SH2D3C: variants seen among roughly 807,000 people sequenced by gnomAD.
SH2D3C encodes SH2 domain-containing protein 3C.
SH2D3C carries 25 observed loss-of-function variants against 75.2 expected under a neutral mutation model. The observed-to-expected ratio is 0.33, with a 90% CI of 0.24 to 0.46. SH2D3C has a LOEUF of 0.46. SH2D3C is among the 20% of genes least tolerant of loss of function. SH2D3C has a pLI of 1.00. For synonymous variants in SH2D3C, 450 were observed against 473.7 expected (o/e 0.95, Z 0.65); for missense variants, 933 against 1,165.3 (o/e 0.80, Z 2.90).
rs776877173 is a variant in SH2D3C, at chr9:127,774,141, CTT to C, written c.362_363del (p.Lys121ArgfsTer32). 5.6e-6 allele frequency: 9 copies of C among 1,614,022 alleles called. No homozygotes were observed. In the African/African-American group the frequency reaches 1.1e-4, roughly 19 times the overall value. ...VPDPPGLEAAKEVMVKATGPL... is the reference protein window; with the variant it reads ...VPDPPGLEAAXEVMVKATGPL... ...GGGCCAGTGGCCTTCACCATCACCT[CTT>C]TGGCTGCCTCCAAGCCTGGGGGGTC... is the stretch of plus-strand genomic sequence containing the variant. On this transcript the variant is annotated frameshift_variant, in exon 2 of 12. Transcript: ENST00000314830. LOFTEE classifies it high-confidence loss of function. The surrounding 1 kb of genome is among the most constrained non-coding windows in gnomAD (Gnocchi z 4.3).
Position 127,741,795 on chromosome 9 carries a change from ATGTCCAGGG to A in SH2D3C, c.2072_2080del (p.Ala691_Met694delinsVal), listed in dbSNP as rs1844864045. 7 of 1,612,986 alleles carry A rather than the reference ATGTCCAGGG, an allele frequency of 4.3e-6. No homozygotes were observed. The highest frequency in any genetic ancestry group is 1.3e-5 in the African/African-American group (1 of 74,934). On this transcript the variant is annotated inframe_deletion, in exon 9 of 12. Transcript: ENST00000314830. ...CTGCGCGGCTCTCAGTACCTGGGCC[ATGTCCAGGG>A]CACCCATGACCGCCGCGAAGCTGAA...
At position 127,749,138 on chromosome 9, in the gene SH2D3C, A is replaced by G. The variant is rs1845118278; in HGVS notation, c.1139+73T>C. 4 of 1,089,904 alleles carry G rather than the reference A, an allele frequency of 3.7e-6. No homozygotes were observed. The East Asian group carries it at 9.5e-5, about 26-fold the overall frequency. The allele number at this position is 1,089,904 out of a possible 1,614,324, so 67.5% of individuals were successfully genotyped here. A position where few individuals can be genotyped will look rare whatever the true frequency, so the allele number is the denominator to read the frequency against. On this transcript the variant is annotated intron_variant, in intron 5 of 11. Transcript: ENST00000314830. This position sits in a 1 kb window ranked among gnomAD's most constrained non-coding sequence, Gnocchi z 5.9. ...GAGTAATTTCATCCCATTTCAGTGTACCTAGGCCTTCTCTTTCTCACTAGC... is the reference window on the plus strand; with the variant it reads ...GAGTAATTTCATCCCATTTCAGTGTGCCTAGGCCTTCTCTTTCTCACTAGC...
At chr9:127,766,410 G>C (rs772970223) in intron 2 of SH2D3C, among the ~76,000 whole-genome samples, 6 of 152,218 alleles carry the variant, frequency 3.9e-5, no homozygotes, top group Non-Finnish European at 8.8e-5. Flanking sequence ...TATCTTCCCA[G>C]AGGGTCTGTG....
At chr9:127,755,198 G>A in intron 3 of SH2D3C, 18 of 1,201,372 alleles carry the variant, frequency 1.5e-5, no homozygotes, top group Non-Finnish European at 1.9e-5. Context: ...GGTGTGGGGG[G>A]GCGGTGGCCG....
chr9:127,768,966 G>A (rs1407689500), intron 2 of SH2D3C, among the ~76,000 whole-genome samples: 1 of 152,076 alleles, frequency 6.6e-6, no homozygotes, highest in African/African-American at 2.4e-5. Context: ...TTTCTTTCTG[G>A]CTAACCTTCT....
At chr9:127,748,619 C>T (rs902040627) in intron 5 of SH2D3C, among the ~76,000 whole-genome samples, 5 of 152,188 alleles carry the variant, frequency 3.3e-5, no homozygotes, top group African/African-American at 4.8e-5. Context: ...AGGAAATGGG[C>T]GTTGATGAGA....
At chr9:127,762,777 A>C (rs1845559880) in intron 2 of SH2D3C, among the ~76,000 whole-genome samples, 1 of 152,364 alleles carries the variant, frequency 6.6e-6, no homozygotes, top group Admixed American at 6.5e-5. Context: ...ATTTGATGGC[A>C]AACGAACCAT....
intron 2 of SH2D3C, among the ~76,000 whole-genome samples, chr9:127,768,227 G>T (rs1370419668): frequency 6.6e-6 from 1 of 152,178 alleles, no homozygotes; most frequent in Non-Finnish European, 1.5e-5. Context: ...ACCCTGCAGG[G>T]CCGAGAGGGT....
chr9:127,744,288 C>T (rs971080929), intron 7 of SH2D3C, among the ~76,000 whole-genome samples: 2 of 152,010 alleles, frequency 1.3e-5, no homozygotes, highest in South Asian at 4.1e-4. Flanking sequence ...CCAGGCTGGT[C>T]TTGAACTCCT....
chr9:127,762,198 G>A, intron 2 of SH2D3C: 1 of 1,191,388 alleles, frequency 8.4e-7, no homozygotes, highest in Non-Finnish European at 1.1e-6. Context: ...GCCGGTGCTA[G>A]AGGGCTACAG....
At position 127,774,496 on chromosome 9, in the gene SH2D3C, G is replaced by T; in HGVS notation, c.38-29C>A. 2 of 1,115,954 alleles carry T rather than the reference G, an allele frequency of 1.8e-6. No individual in the cohort carries two copies. The highest frequency in any genetic ancestry group is 2.7e-6 in the Non-Finnish European group (2 of 732,692). The allele number at this position is 1,115,954 out of a possible 1,614,324, so 69.1% of individuals were successfully genotyped here. A position where few individuals can be genotyped will look rare whatever the true frequency, so the allele number is the denominator to read the frequency against. ...GCAGAGGGGAAGGGAAGGAAAAGAA[G>T]TTAATGACAATGTCAACATCAGTGA... is the stretch of plus-strand genomic sequence containing the variant. On this transcript the variant is annotated intron_variant, in intron 1 of 11. Coordinates refer to ENST00000314830, the MANE Select transcript of SH2D3C (RefSeq NM_170600.3). This position sits in a 1 kb window ranked among gnomAD's most constrained non-coding sequence, Gnocchi z 4.3.
chr9:127,744,385 A>T (rs544456278), intron 7 of SH2D3C, among the ~76,000 whole-genome samples, 179 bp downstream of exon 7: 96 of 152,188 alleles, frequency 6.3e-4, no homozygotes, highest in African/African-American at 1.8e-3. Context: ...AAAAGGAGAA[A>T]CTGGAGGCCC....
chr9:127,773,662 C>G (rs1219420687), intron 2 of SH2D3C, among the ~76,000 whole-genome samples: 1 of 151,912 alleles, frequency 6.6e-6, no homozygotes, highest in East Asian at 1.9e-4. Context: ...AAAAGAAGCC[C>G]CGGCCAGCAC....
Position 127,754,949 on chromosome 9 carries a change from C to G in SH2D3C, c.556-3649G>C. On this transcript the variant is annotated intron_variant, in intron 3 of 11. Transcript: ENST00000314830. The surrounding 1 kb of genome is among the most constrained non-coding windows in gnomAD (Gnocchi z 4.4). ...GACCCCGCCCCCTCCCCGGGTCGGC[C>G]GGGCCCAGCCCAGCCCGACCCTGCC... is the stretch of plus-strand genomic sequence containing the variant. The G allele has an allele frequency of 1.9e-6, 1 of 533,584 alleles. No homozygotes were observed. Among genetic ancestry groups the G allele is most frequent in the Non-Finnish European group, 3.3e-6 (1 of 301,252 alleles). The allele number at this position is 533,584 out of a possible 1,614,324, so 33.1% of individuals were successfully genotyped here. A position where few individuals can be genotyped will look rare whatever the true frequency, so the allele number is the denominator to read the frequency against.
Position 127,739,424 on chromosome 9 carries a change from C to T in SH2D3C, c.2407+258G>A, listed in dbSNP as rs1029929359. On this transcript the variant is annotated intron_variant, in intron 11 of 11. Transcript: ENST00000314830. The surrounding 1 kb of genome is among the most constrained non-coding windows in gnomAD (Gnocchi z 4.3). ...ACTCGGGAGGCTGAGGCAGGAGAAT[C>T]GCTTGAACTTGGGAGGCGGAGGTTG... is the stretch of plus-strand genomic sequence containing the variant. 2.0e-5 allele frequency among the ~76,000 whole-genome samples: 3 copies of T among 152,006 alleles called. No individual in the cohort carries two copies. Among genetic ancestry groups the T allele is most frequent in the Non-Finnish European group, 2.9e-5 (2 of 67,990 alleles).
intron 9 of SH2D3C, among the ~76,000 whole-genome samples, chr9:127,740,831 T>C (rs116404935): frequency 0.039 from 5,988 of 152,166 alleles, 158 homozygotes; most frequent in African/African-American, 0.075. Context: ...CAGACATGTG[T>C]CACCACGCCC....
intron 2 of SH2D3C, among the ~76,000 whole-genome samples, chr9:127,772,684 G>A (rs1351331115): frequency 6.6e-6 from 1 of 152,170 alleles, no homozygotes; most frequent in Non-Finnish European, 1.5e-5. Flanking sequence ...GGTGTGAAAG[G>A]CATGGCCCTA....
intron 2 of SH2D3C, chr9:127,771,233 T>C (rs1258418295): frequency 6.5e-7 from 1 of 1,543,104 alleles, no homozygotes; most frequent in South Asian, 1.2e-5. Flanking sequence ...CAGTCATGCT[T>C]CCCCCGCTGT....
chr9:127,767,277 A>C (rs1234973465), intron 2 of SH2D3C: 1 of 1,446,744 alleles, frequency 6.9e-7, no homozygotes, highest in African/African-American at 1.4e-5. Flanking sequence ...AAAACCTGCC[A>C]AAGAAGAGAG....
Sources: gnomAD v4.1 joint callset for allele counts (sites outside exome capture counted in the v4.1 genomes callset) on GRCh38, gnomAD v4.1.1 for gene constraint, Gnocchi (gnomAD v3.1) non-coding constraint, MANE v1.5 for transcripts, NCBI Gene and HGNC (gene_info 2026-07-23, HGNC 2026-07-21) for gene names.